The following AP2B1 variants were observed in gnomAD, a reference collection of about 807,000 sequenced individuals.
The protein encoded by AP2B1 is adaptor related protein complex 2 subunit beta 1, also known as AP-2 complex subunit beta.
AP2B1 carries 23 observed loss-of-function variants against 102.0 expected under a neutral mutation model. That is an observed-to-expected ratio of 0.23 (90% confidence interval 0.16 to 0.32). The LOEUF (loss-of-function observed/expected upper bound fraction) is 0.32, where lower values mean the gene tolerates loss of function less well. AP2B1 is among the 10% of genes least tolerant of loss of function. The pLI is 1.00. For synonymous variants in AP2B1, 381 were observed against 421.2 expected, an observed-to-expected ratio of 0.90 and a Z score of 1.17; for missense variants, 541 against 1,157.4, an observed-to-expected ratio of 0.47 and a Z score of 7.73.
intron 5 of AP2B1, among the ~76,000 whole-genome samples, chr17:35,617,154 C>G (rs546406048): frequency 6.6e-6 from 1 of 152,270 alleles, no homozygotes; most frequent in South Asian, 2.1e-4. Context: ...CTCCTGGGCT[C>G]AAATAATTCT....
intron 14 of AP2B1, among the ~76,000 whole-genome samples, chr17:35,667,837 G>A (rs755165072): frequency 6.6e-6 from 1 of 152,088 alleles, no homozygotes; most frequent in Non-Finnish European, 1.5e-5. Flanking sequence ...GTGAGAGGGG[G>A]TAAGCCCATC....
intron 5 of AP2B1, among the ~76,000 whole-genome samples, chr17:35,615,058 A>G (rs1370134174): frequency 6.6e-6 from 1 of 152,170 alleles, no homozygotes; most frequent in Non-Finnish European, 1.5e-5. Context: ...TTCAGTGTAC[A>G]GGACAGTCCC....
At chr17:35,655,177 G>C (rs569663124) in intron 13 of AP2B1, among the ~76,000 whole-genome samples, 1 of 152,236 alleles carries the variant, frequency 6.6e-6, no homozygotes, top group South Asian at 2.1e-4. Flanking sequence ...CTTCTATTAA[G>C]TAATAGATTA....
At chr17:35,642,271 C>CTGCT (rs1464426078) in intron 12 of AP2B1, among the ~76,000 whole-genome samples, 1 of 150,056 alleles carries the variant, frequency 6.7e-6, no homozygotes, top group African/African-American at 2.5e-5. Flanking sequence ...CTGATAGTAC[C>CTGCT]TGCTTCACTG....
chr17:35,707,457 C>CCTT (rs587630982), intron 18 of AP2B1, among the ~76,000 whole-genome samples: 1 of 132,370 alleles, frequency 7.6e-6, no homozygotes, highest in African/African-American at 2.9e-5. Flanking sequence ...GGCTTCCCCC[C>CCTT]TTTTTTTTTT....
chr17:35,624,192 T>C (rs1177123024), intron 5 of AP2B1, among the ~76,000 whole-genome samples: 4 of 152,248 alleles, frequency 2.6e-5, no homozygotes, highest in Non-Finnish European at 5.9e-5. Context: ...GTTTTAATTC[T>C]GGGTTGCCTT....
intron 18 of AP2B1, among the ~76,000 whole-genome samples, chr17:35,698,134 T>G (rs189100109): frequency 1.3e-5 from 2 of 152,200 alleles, no homozygotes; most frequent in African/African-American, 4.8e-5. Context: ...TTTCTTTACT[T>G]GCTATTAGAA....
chr17:35,608,614 T>C (rs2073764046), intron 5 of AP2B1, among the ~76,000 whole-genome samples: 1 of 152,346 alleles, frequency 6.6e-6, no homozygotes, highest in Middle Eastern at 3.4e-3. Flanking sequence ...ATTGTACTTA[T>C]GCTCATATTT....
intron 12 of AP2B1, among the ~76,000 whole-genome samples, chr17:35,643,131 G>T (rs957167): frequency 6.7e-6 from 1 of 149,420 alleles, no homozygotes; most frequent in Non-Finnish European, 1.5e-5. Flanking sequence ...GGAGAATTGA[G>T]AATTGTCTTG....
intron 9 of AP2B1, among the ~76,000 whole-genome samples, chr17:35,628,563 A>G (rs1285502283): frequency 1.3e-5 from 2 of 152,226 alleles, no homozygotes; most frequent in African/African-American, 2.4e-5. Flanking sequence ...TTATTGTGCC[A>G]CTGCACTCCA....
chr17:35,722,205 C>T (rs2085417600), intron 21 of AP2B1, among the ~76,000 whole-genome samples: 1 of 152,142 alleles, frequency 6.6e-6, no homozygotes, highest in Admixed American at 6.5e-5. Flanking sequence ...GATCACGCCA[C>T]TGCACTCCAG....
intron 10 of AP2B1, among the ~76,000 whole-genome samples, chr17:35,637,158 A>C (rs2074629973): frequency 6.6e-6 from 1 of 152,218 alleles, no homozygotes; most frequent in Non-Finnish European, 1.5e-5. Context: ...TAAGCATCTT[A>C]AATCTCATTT....
At chr17:35,651,813 A>G (rs1375301373) in intron 13 of AP2B1, among the ~76,000 whole-genome samples, 1 of 152,102 alleles carries the variant, frequency 6.6e-6, no homozygotes, top group Non-Finnish European at 1.5e-5. Context: ...TCCAGAGGAG[A>G]TGTGAGCTTC....
At chr17:35,663,535 T>C (rs1431542541) in intron 14 of AP2B1, among the ~76,000 whole-genome samples, 1 of 152,226 alleles carries the variant, frequency 6.6e-6, no homozygotes, top group African/African-American at 2.4e-5. Context: ...TCTTGCAGAA[T>C]AGAATACAGT....
chr17:35,644,565 A>G (rs562349225), intron 12 of AP2B1, among the ~76,000 whole-genome samples: 24 of 143,986 alleles, frequency 1.7e-4, no homozygotes, highest in African/African-American at 4.4e-4. Flanking sequence ...TTTTTTTTCC[A>G]GTAGAGATGA....
At chr17:35,598,660 T>C (rs190102765) in intron 3 of AP2B1, among the ~76,000 whole-genome samples, 1 of 152,316 alleles carries the variant, frequency 6.6e-6, no homozygotes, top group East Asian at 1.9e-4. Flanking sequence ...ATGATAAAAA[T>C]ACACTGAGAA....
At chr17:35,698,238 A>G (rs143221064) in intron 18 of AP2B1, among the ~76,000 whole-genome samples, 55 of 152,302 alleles carry the variant, frequency 3.6e-4, no homozygotes, top group African/African-American at 1.3e-3. Flanking sequence ...TTTTTCACTC[A>G]GTGAGACTTA....
At chr17:35,672,433 C>T (rs776671329) in intron 16 of AP2B1, among the ~76,000 whole-genome samples, 19 of 152,168 alleles carry the variant, frequency 1.2e-4, no homozygotes, top group Non-Finnish European at 4.4e-5. Flanking sequence ...AGGGGAAACT[C>T]CCGGTTAATG....
intron 5 of AP2B1, among the ~76,000 whole-genome samples, chr17:35,617,089 T>C (rs1190518451): frequency 6.6e-6 from 1 of 152,142 alleles, no homozygotes; most frequent in Non-Finnish European, 1.5e-5. Flanking sequence ...AAAGTCTTGC[T>C]CTGTCGCGTA....
Sources: gnomAD v4.1 joint callset for allele counts (sites outside exome capture counted in the v4.1 genomes callset) on GRCh38, gnomAD v4.1.1 for gene constraint, MANE v1.5 for transcripts, NCBI Gene and HGNC (gene_info 2026-07-23, HGNC 2026-07-21) for gene names.